POLA1: variants seen among roughly 807,000 people sequenced by gnomAD.
POLA1 encodes DNA polymerase alpha 1, catalytic subunit, also known as DNA polymerase alpha catalytic subunit.
POLA1 carries 15 observed loss-of-function variants against 124.0 expected under a neutral mutation model. The ratio of observed to expected loss-of-function variants is 0.12; its 90% CI spans 0.08 to 0.19. The LOEUF (loss-of-function observed/expected upper bound fraction) is 0.19. Ranked by LOEUF, POLA1 falls within the 10% of genes least tolerant of loss-of-function variation. POLA1 has a pLI of 1.00. For missense variants in POLA1, 886 were observed against 1,103.4 expected (o/e 0.80, Z 2.79); for synonymous variants, 408 against 389.4 (o/e 1.05, Z -0.56).
chrX:24,806,086 T>G (rs2045795467), intron 26 of POLA1, among the ~76,000 whole-genome samples: 2 of 63,179 alleles, frequency 3.2e-5, no homozygotes, highest in Non-Finnish European at 2.7e-5. Context: ...TTTTTTTTTT[T>G]TTTTTTTTTT....
In POLA1 at chrX:24,706,720, A is replaced by G. The variant is rs192180789; in HGVS notation, c.346+2251A>G. ...AAATTTATGATTTCTCTACAGTTTT[A>G]TTTGTTCTTGTTATATATCCTAAGG... On this transcript the variant is annotated intron_variant, in intron 4 of 36. Coordinates refer to ENST00000379068, the MANE Select transcript of POLA1 (RefSeq NM_001330360.2). 2.1e-4 allele frequency among the ~76,000 whole-genome samples: 24 copies of G among 111,987 alleles called. No homozygotes were observed. In the East Asian group the frequency reaches 6.2e-3, roughly 29 times the overall value.
At chrX:24,784,299 C>T (rs1007510426) in intron 26 of POLA1, among the ~76,000 whole-genome samples, 3 of 110,145 alleles carry the variant, frequency 2.7e-5, no homozygotes, top group South Asian at 3.9e-4. Flanking sequence ...GATTCGCCCA[C>T]CTTAGCCTCC....
chrX:24,817,935 A>AT (rs747221901), intron 30 of POLA1, among the ~76,000 whole-genome samples: 3,950 of 81,463 alleles, frequency 0.048, 207 homozygotes, highest in African/African-American at 0.12. Flanking sequence ...TCATGACAAT[A>AT]TTTTTTTTTT....
chrX:24,835,747 T>C (rs1411033529), intron 32 of POLA1, among the ~76,000 whole-genome samples: 1 of 111,291 alleles, frequency 9.0e-6, no homozygotes, highest in African/African-American at 3.3e-5. Flanking sequence ...TTAGGCTCAA[T>C]TTATTTTATT....
At chrX:24,952,307 G>C (rs2048057497) in intron 36 of POLA1, among the ~76,000 whole-genome samples, 1 of 111,591 alleles carries the variant, frequency 9.0e-6, no homozygotes, top group Non-Finnish European at 1.9e-5. Context: ...ATTTTCTCTA[G>C]TGCCCTTCCC....
chrX:24,972,929 T>C (rs1244822415), intron 36 of POLA1, among the ~76,000 whole-genome samples: 3 of 112,609 alleles, frequency 2.7e-5, no homozygotes, highest in Admixed American at 1.9e-4. Context: ...TTCTTGACTT[T>C]TTTTCCTTCC....
At chrX:24,761,214 T>G (rs750114276) in intron 26 of POLA1, among the ~76,000 whole-genome samples, 101 of 112,383 alleles carry the variant, frequency 9.0e-4, no homozygotes, top group African/African-American at 3.2e-3. Context: ...TTGGCTTTGT[T>G]GTTTTACATT....
At chrX:24,934,099 T>C (rs140409173) in intron 36 of POLA1, among the ~76,000 whole-genome samples, 4,694 of 111,627 alleles carry the variant, frequency 0.042, 267 homozygotes, top group African/African-American at 0.14. Flanking sequence ...CATGAAATGG[T>C]CCCATTTGGC....
rs759338031 is a variant in POLA1, at chrX:24,887,981, G to A, written c.4048-25G>A. On this transcript the variant is annotated intron_variant, in intron 34 of 36. Transcript: ENST00000379068. ...TACTTGTATTTGTCGATGGTGATAAGTCTGAAGTTTTCCCTTCTCTCCAGG... is the reference window on the plus strand; with the variant it reads ...TACTTGTATTTGTCGATGGTGATAAATCTGAAGTTTTCCCTTCTCTCCAGG... 5.1e-6 allele frequency: 5 copies of A among 982,451 alleles called. No homozygotes were observed. In the East Asian group the frequency reaches 1.5e-4, roughly 30 times the overall value. 81.0% of individuals were successfully genotyped at this position (982,451 alleles called of 1,213,427 possible). A position where few individuals can be genotyped will look rare whatever the true frequency, so the allele number is the denominator to read the frequency against.
At chrX:24,982,768 T>C (rs1234860577) in intron 36 of POLA1, among the ~76,000 whole-genome samples, 1 of 110,320 alleles carries the variant, frequency 9.1e-6, no homozygotes, top group East Asian at 2.8e-4. Flanking sequence ...CTGGCTTTGC[T>C]TGTGAATGAA....
Position 24,739,419 on chromosome X carries a change from G to T in POLA1, c.2085G>T (p.Met695Ile). 1 of 1,200,068 alleles carries T rather than the reference G, an allele frequency of 8.3e-7. No individual in the cohort carries two copies. Among genetic ancestry groups the T allele is most frequent in the Non-Finnish European group, 1.1e-6 (1 of 886,775 alleles). The stretch of plus-strand genomic sequence containing the variant: ...AAAGAAATGCTACCTGTGGTCGAAT[G>T]ATCTGTGATGTGGAAATTTCAGCAA... ...FGERNATCGR[M>I]ICDVEISAKE... is the part of the protein sequence containing the mutation. The change falls in exon 20 of 37, where the codon ATG becomes ATT. Residue 695 changes from methionine to isoleucine, a missense_variant. Met to Ile is a conservative substitution (Grantham distance 10). This residue lies in a region of POLA1 where 182 missense variants were observed against 252.8 expected (regional missense o/e 0.72). Coordinates refer to ENST00000379068, the MANE Select transcript of POLA1 (RefSeq NM_001330360.2).
chrX:24,774,276 C>T (rs183780351), intron 26 of POLA1, among the ~76,000 whole-genome samples: 1 of 111,627 alleles, frequency 9.0e-6, no homozygotes, highest in Admixed American at 9.6e-5. Context: ...CAGCTTGATT[C>T]AGTTTTACAG....
At position 24,996,093 on chromosome X, in the gene POLA1, A is replaced by G. The variant is rs1168582219; in HGVS notation, c.*143A>G. 1 of 498,266 alleles carries G rather than the reference A, an allele frequency of 2.0e-6. No homozygotes were observed. Among genetic ancestry groups the G allele is most frequent in the African/African-American group, 2.4e-5 (1 of 41,400 alleles). 41.1% of individuals were successfully genotyped at this position (498,266 alleles called of 1,213,427 possible). On this transcript the variant is annotated 3_prime_UTR_variant, in exon 37 of 37. Coordinates refer to ENST00000379068, the MANE Select transcript of POLA1 (RefSeq NM_001330360.2). ...TGTTTGTGTGAATGTAGACCAGGAA[A>G]GGGGGCTGCAAAAATGTTGAGTCTA...
At chrX:24,972,059 C>G (rs1455550926) in intron 36 of POLA1, among the ~76,000 whole-genome samples, 2 of 110,439 alleles carry the variant, frequency 1.8e-5, no homozygotes, top group Non-Finnish European at 3.8e-5. Context: ...ACCTCCGCCT[C>G]TCAGGTTCAA....
At chrX:24,924,823 T>G (rs145400601) in intron 35 of POLA1, among the ~76,000 whole-genome samples, 2 of 111,632 alleles carry the variant, frequency 1.8e-5, no homozygotes, top group Non-Finnish European at 3.8e-5. Context: ...AAGGATACAT[T>G]TCCTGACTGT....
At chrX:24,742,182 T>G in intron 22 of POLA1, 61 bp downstream of exon 22, 1 of 658,339 alleles carries the variant, frequency 1.5e-6, no homozygotes, top group Non-Finnish European at 2.2e-6. Flanking sequence ...TTTTAATACC[T>G]AGATAGCCTT....
chrX:24,713,215 G>A lies in POLA1; in HGVS notation c.347-1339G>A, dbSNP rs1246155729. Among the ~76,000 whole-genome samples, 29 of 110,838 alleles carry A rather than the reference G, an allele frequency of 2.6e-4. No individual in the cohort carries two copies. In the Admixed American group the frequency reaches 2.8e-3, roughly 11 times the overall value. ...CCTGACCTCGTGATCTGCCTGCCTC[G>A]GCCTCCCAAAGTGCTGGGATTACAG... is the stretch of plus-strand genomic sequence containing the variant. On this transcript the variant is annotated intron_variant, in intron 4 of 36. Coordinates refer to ENST00000379068, the MANE Select transcript of POLA1 (RefSeq NM_001330360.2).
In POLA1 at chrX:24,937,755, C is replaced by T. The variant is rs78810076; in HGVS notation, c.4261+7206C>T. ...TTTTAACAAGATCCTCAGGTGATTCCTCCGCGTGTTAAAGTTTCAGAAGCA... is the reference window on the plus strand; with the variant it reads ...TTTTAACAAGATCCTCAGGTGATTCTTCCGCGTGTTAAAGTTTCAGAAGCA... On this transcript the variant is annotated intron_variant, in intron 36 of 36. Coordinates refer to ENST00000379068, the MANE Select transcript of POLA1 (RefSeq NM_001330360.2). 3.6e-5 allele frequency among the ~76,000 whole-genome samples: 4 copies of T among 111,978 alleles called. No homozygotes were observed. The East Asian group carries it at 1.1e-3, about 32-fold the overall frequency.
chrX:24,931,086 A>G (rs752641179), intron 36 of POLA1, among the ~76,000 whole-genome samples: 1 of 111,224 alleles, frequency 9.0e-6, no homozygotes, highest in Non-Finnish European at 1.9e-5. Context: ...GTTTCCTTAT[A>G]CAAGACTTGC....
Sources: gnomAD v4.1 joint callset for allele counts (sites outside exome capture counted in the v4.1 genomes callset) on GRCh38, gnomAD v4.1.1 for gene constraint, gnomAD v4.1.1 regional missense constraint, MANE v1.5 for transcripts, NCBI Gene and HGNC (gene_info 2026-07-23, HGNC 2026-07-21) for gene names.